The following MAML2 variants were observed in gnomAD, a reference collection of about 807,000 sequenced individuals.
The protein encoded by MAML2 is mastermind like transcriptional coactivator 2, also known as mastermind-like protein 2.
Under a neutral mutation model 96.1 loss-of-function variants are expected in MAML2, and 22 were observed. That is an observed-to-expected ratio of 0.23 (90% confidence interval 0.16 to 0.33). The LOEUF (loss-of-function observed/expected upper bound fraction) is 0.33. Among genes scored for constraint, MAML2 ranks in the 10% least tolerant of loss-of-function variants. The pLI, the probability that MAML2 is intolerant of heterozygous loss-of-function variation, is 1.00. For synonymous variants in MAML2, 561 were observed against 521.3 expected, an observed-to-expected ratio of 1.08 and a Z score of -1.04; for missense variants, 1,367 against 1,392.4, an observed-to-expected ratio of 0.98 and a Z score of 0.29.
At chr11:96,038,281 T>G (rs1858751096) in intron 2 of MAML2, among the ~76,000 whole-genome samples, 1 of 152,224 alleles carries the variant, frequency 6.6e-6, no homozygotes, top group Non-Finnish European at 1.5e-5. Flanking sequence ...GCAACACCTG[T>G]ATTATATCGA....
chr11:96,018,112 C>T (rs188086646), intron 2 of MAML2, among the ~76,000 whole-genome samples: 111 of 152,176 alleles, frequency 7.3e-4, no homozygotes, highest in Non-Finnish European at 1.1e-3. Context: ...TAGTCTCTGA[C>T]GGTAGAGCCA....
At chr11:96,201,310 G>T (rs2135930352) in intron 1 of MAML2, among the ~76,000 whole-genome samples, 1 of 152,292 alleles carries the variant, frequency 6.6e-6, no homozygotes, top group Middle Eastern at 3.4e-3. Context: ...AAGGGAAGAA[G>T]AGAAGGATGT....
In MAML2 at chr11:96,312,144, A is replaced by G. The variant is rs547002721; in HGVS notation, c.513+29239T>C. On this transcript the variant is annotated intron_variant, in intron 1 of 4. Coordinates refer to ENST00000524717, the MANE Select transcript of MAML2 (RefSeq NM_032427.4). ...TGAAGTGGGAGAATCATTTGAACCC[A>G]GGAGGTGGAGGTTGTAGTGAGCTGA... 5.0e-5 allele frequency among the ~76,000 whole-genome samples: 7 copies of G among 139,464 alleles called. No homozygotes were observed. In the South Asian group the frequency reaches 1.6e-3, roughly 33 times the overall value. 91.5% of individuals were successfully genotyped at this position (139,464 alleles called of 152,430 possible).
intron 2 of MAML2, among the ~76,000 whole-genome samples, chr11:96,051,837 G>A (rs1297177870): frequency 6.6e-6 from 1 of 152,202 alleles, no homozygotes; most frequent in Non-Finnish European, 1.5e-5. Flanking sequence ...ATGCCTCCCT[G>A]TCTCCAGAGA....
chr11:96,092,811 A>C lies in MAML2; in HGVS notation c.1220T>G (p.Val407Gly). ...CTGAGGCTGAGCCTGGCTCTGAGGG[A>C]CTGAAGGGATTGGAGACGAAGTGGA... is the stretch of plus-strand genomic sequence containing the variant. ...ALSTSSPIPS[V>G]PQSQAQPQTG... Residue 407 changes from valine (V) to glycine (G), a missense_variant, in exon 2 of 5, where the codon GTC becomes GGC. Transcript: ENST00000524717. This position sits in a 1 kb window ranked among gnomAD's most constrained non-coding sequence, Gnocchi z 4.1. The C allele has an allele frequency of 6.2e-7, 1 of 1,611,030 alleles. No homozygotes were observed. Among genetic ancestry groups the C allele is most frequent in the Non-Finnish European group, 8.5e-7 (1 of 1,177,960 alleles).
intron 2 of MAML2, among the ~76,000 whole-genome samples, chr11:96,072,222 T>A (rs2135789176): frequency 6.6e-6 from 1 of 152,340 alleles, no homozygotes; most frequent in South Asian, 2.1e-4. Context: ...GTTATAAGGT[T>A]AAGGCCACAT....
intron 2 of MAML2, among the ~76,000 whole-genome samples, chr11:96,048,443 A>AT (rs1176958579): frequency 2.0e-5 from 3 of 152,180 alleles, no homozygotes; most frequent in South Asian, 2.1e-4. Context: ...TCCACTCTGA[A>AT]TTTTTTTATA....
In MAML2 at chr11:95,979,766, A is replaced by T; in HGVS notation, c.2653T>A (p.Ser885Thr). ...CNQPNTYSVT[S>T]GMNQLTQQRN... ...TGTTGGGTCAATTGATTCATTCCTG[A>T]AGTGACACTGTATGTGTTAGGTTGA... Residue 885 changes from serine (S) to threonine (T), a missense_variant, in exon 5 of 5, where the codon TCA becomes ACA. Transcript: ENST00000524717. The T allele has an allele frequency of 6.2e-7, 1 of 1,613,894 alleles. No homozygotes were observed. Among genetic ancestry groups the T allele is most frequent in the Non-Finnish European group, 8.5e-7 (1 of 1,179,878 alleles).
chr11:96,031,335 T>TTGTGTG (rs10596374), intron 2 of MAML2, among the ~76,000 whole-genome samples: 4 of 150,236 alleles, frequency 2.7e-5, no homozygotes, highest in Non-Finnish European at 4.5e-5. Flanking sequence ...ATTTAACAGT[T>TTGTGTG]TGTGTGTGTG....
intron 1 of MAML2, among the ~76,000 whole-genome samples, chr11:96,208,863 G>A (rs1421105910): frequency 6.6e-6 from 1 of 152,112 alleles, no homozygotes; most frequent in Non-Finnish European, 1.5e-5. Context: ...GAAATAGACA[G>A]CATAAATAAA....
At chr11:96,191,809 G>A (rs1033461062) in intron 1 of MAML2, among the ~76,000 whole-genome samples, 4 of 151,318 alleles carry the variant, frequency 2.6e-5, no homozygotes, top group Non-Finnish European at 5.9e-5. Context: ...GGAATTAGTT[G>A]AAATTCTACT....
At chr11:96,029,164 G>GTTT (rs35004085) in intron 2 of MAML2, among the ~76,000 whole-genome samples, 1 of 141,628 alleles carries the variant, frequency 7.1e-6, no homozygotes, top group African/African-American at 2.6e-5. Flanking sequence ...GAGTGAAACG[G>GTTT]TTTTTTTTTT....
At chr11:96,174,517 T>G (rs1262456303) in intron 1 of MAML2, among the ~76,000 whole-genome samples, 4 of 152,094 alleles carry the variant, frequency 2.6e-5, no homozygotes, top group Admixed American at 2.6e-4. Flanking sequence ...CTGAGTAGCT[T>G]GGATTACAGG....
At chr11:96,160,944 G>T (rs1262248967) in intron 1 of MAML2, among the ~76,000 whole-genome samples, 3 of 152,178 alleles carry the variant, frequency 2.0e-5, no homozygotes, top group Non-Finnish European at 4.4e-5. Context: ...GACCCTTGTC[G>T]AACACTTTCC....
intron 1 of MAML2, among the ~76,000 whole-genome samples, chr11:96,320,600 A>G (rs1179043492): frequency 1.3e-5 from 2 of 152,164 alleles, no homozygotes; most frequent in Non-Finnish European, 2.9e-5. Flanking sequence ...GTATAGAGGC[A>G]TTCTCTTGTC....
chr11:96,044,623 TAGAA>T (rs1233418786), intron 2 of MAML2, among the ~76,000 whole-genome samples: 1 of 151,618 alleles, frequency 6.6e-6, no homozygotes, highest in Non-Finnish European at 1.5e-5. Flanking sequence ...GCTAACATCT[TAGAA>T]AGGATTGTGA....
At chr11:96,203,563 A>G (rs1861855354) in intron 1 of MAML2, among the ~76,000 whole-genome samples, 1 of 152,260 alleles carries the variant, frequency 6.6e-6, no homozygotes, top group South Asian at 2.1e-4. Context: ...CCTTTACAAA[A>G]AAAAGTAAAA....
chr11:96,131,539 T>TA (rs1360541349), intron 1 of MAML2, among the ~76,000 whole-genome samples: 5 of 152,182 alleles, frequency 3.3e-5, no homozygotes, highest in East Asian at 1.9e-4. Flanking sequence ...ACTACATACT[T>TA]ACAATTGCGT....
chr11:96,334,096 G>T (rs1307315706), intron 1 of MAML2, among the ~76,000 whole-genome samples: 2 of 152,136 alleles, frequency 1.3e-5, no homozygotes, highest in Non-Finnish European at 2.9e-5. Flanking sequence ...TAACATTCTA[G>T]GGAGATGGAA....
Sources: allele counts gnomAD v4.1 joint callset (sites outside exome capture counted in the v4.1 genomes callset), GRCh38; gene constraint gnomAD v4.1.1; non-coding constraint Gnocchi (gnomAD v3.1); transcripts MANE v1.5; gene names NCBI Gene and HGNC (gene_info 2026-07-23, HGNC 2026-07-21).